ADAMTS9: variants seen among roughly 807,000 people sequenced by gnomAD.
The protein encoded by ADAMTS9 is ADAM metallopeptidase with thrombospondin type 1 motif 9.
ADAMTS9 carries 107 observed loss-of-function variants against 257.1 expected under a neutral mutation model. The observed-to-expected ratio is 0.42, with a 90% confidence interval of 0.36 to 0.49. The LOEUF (loss-of-function observed/expected upper bound fraction) is 0.49. Among genes scored for constraint, ADAMTS9 ranks in the 20% least tolerant of loss-of-function variants. ADAMTS9 has a pLI of 0.03. For missense variants in ADAMTS9, 2,353 were observed against 2,469.1 expected (o/e 0.95, Z 1.00); for synonymous variants, 982 against 880.9 (o/e 1.11, Z -2.03).
Position 64,541,852 on chromosome 3 carries a change from C to G in ADAMTS9, c.5183G>C (p.Arg1728Pro). ...GGCCAACTTACAGTTATAGACATTA[C>G]GGCAGGTTTTTCGTTCTTCTGGCTT... ...DLKPEERKTC[R>P]NVYNCELPQN... Residue 1728 changes from arginine to proline, a missense_variant, in exon 33 of 40, where the codon CGT becomes CCT. Transcript: ENST00000498707. 3 of 1,614,146 alleles carry G rather than the reference C, an allele frequency of 1.9e-6. No individual in the cohort carries two copies. The highest frequency in any genetic ancestry group is 2.5e-6 in the Non-Finnish European group (3 of 1,180,022).
chr3:64,673,059 G>A (rs1701531262), intron 3 of ADAMTS9, among the ~76,000 whole-genome samples: 1 of 152,078 alleles, frequency 6.6e-6, no homozygotes, highest in South Asian at 2.1e-4. Context: ...GGAACAATAG[G>A]CTATGTACCA....
intron 3 of ADAMTS9, among the ~76,000 whole-genome samples, chr3:64,667,023 TTTTG>T (rs1182147260): frequency 1.3e-5 from 2 of 152,054 alleles, no homozygotes; most frequent in Non-Finnish European, 2.9e-5. Context: ...GCTGTTGTTT[TTTTG>T]TTTTATTATT....
chr3:64,661,893 G>C (rs1701231532), intron 3 of ADAMTS9, among the ~76,000 whole-genome samples: 1 of 151,950 alleles, frequency 6.6e-6, no homozygotes, highest in Non-Finnish European at 1.5e-5. Flanking sequence ...AAGATTTAAA[G>C]TCTCTATTAG....
At chr3:64,597,094 T>C in intron 26 of ADAMTS9, 103 bp from the exon 27 acceptor site, 1 of 1,467,858 alleles carries the variant, frequency 6.8e-7, no homozygotes, top group Non-Finnish European at 9.2e-7. Flanking sequence ...AAAAGCATTC[T>C]CAAGTCATCC....
chr3:64,581,353 A>T (rs534347027), intron 28 of ADAMTS9, among the ~76,000 whole-genome samples: 12 of 152,210 alleles, frequency 7.9e-5, no homozygotes, highest in South Asian at 4.1e-4. Context: ...TTTTCTTTTT[A>T]AAAAAATTTT....
intron 22 of ADAMTS9, among the ~76,000 whole-genome samples, chr3:64,610,831 T>C (rs947376776): frequency 2.6e-5 from 4 of 151,954 alleles, no homozygotes; most frequent in African/African-American, 9.7e-5. Context: ...AATCCCAGCA[T>C]TTTGGGAGAC....
intron 9 of ADAMTS9, chr3:64,650,109 T>C (rs759929333): frequency 5.7e-5 from 12 of 208,878 alleles, no homozygotes; most frequent in Non-Finnish European, 7.6e-5. Flanking sequence ...AGATAGTGTC[T>C]TTTTCATCAA....
intron 6 of ADAMTS9, 143 bp downstream of exon 6, chr3:64,655,433 C>T (rs1270994668): frequency 1.0e-5 from 7 of 669,248 alleles, no homozygotes; most frequent in Non-Finnish European, 1.8e-5. Flanking sequence ...TTGCAATGCA[C>T]AGAAGGAATT....
chr3:64,540,547 T>C (rs181828304), intron 36 of ADAMTS9, among the ~76,000 whole-genome samples: 139 of 152,302 alleles, frequency 9.1e-4, no homozygotes, highest in Admixed American at 4.1e-3. Context: ...TGTAAGCATG[T>C]ACACTGTGCT....
intron 26 of ADAMTS9, among the ~76,000 whole-genome samples, chr3:64,601,520 C>G (rs1296426439): frequency 6.6e-6 from 1 of 152,182 alleles, no homozygotes; most frequent in Non-Finnish European, 1.5e-5. Context: ...TACACAGCAA[C>G]CATGCCACTT....
chr3:64,629,401 T>G (rs1700310248), intron 16 of ADAMTS9, among the ~76,000 whole-genome samples: 1 of 152,238 alleles, frequency 6.6e-6, no homozygotes, highest in East Asian at 1.9e-4. Context: ...GACCTAGTCT[T>G]GTTTAACCTT....
At chr3:64,537,389 C>T (rs1402046202) in intron 37 of ADAMTS9, among the ~76,000 whole-genome samples, 1 of 152,156 alleles carries the variant, frequency 6.6e-6, no homozygotes, top group African/African-American at 2.4e-5. Flanking sequence ...TAAAATGCAA[C>T]AGATACCAAT....
intron 12 of ADAMTS9, among the ~76,000 whole-genome samples, chr3:64,635,946 C>T (rs1036030676): frequency 1.2e-4 from 19 of 152,140 alleles, no homozygotes; most frequent in African/African-American, 4.3e-4. Context: ...GGAAGACCCC[C>T]TTCAATTTTT....
chr3:64,526,429 C>A (rs192151556), intron 38 of ADAMTS9, among the ~76,000 whole-genome samples: 235 of 152,228 alleles, frequency 1.5e-3, no homozygotes, highest in African/African-American at 5.3e-3. Flanking sequence ...ATGAATGGAA[C>A]TGAGTTGGGA....
chr3:64,654,770 A>C (rs1445018184), intron 6 of ADAMTS9, 158 bp from the exon 7 acceptor site: 3 of 698,516 alleles, frequency 4.3e-6, no homozygotes, highest in African/African-American at 1.8e-5. Context: ...AACTCAAAAA[A>C]TTTTTGGAAT....
intron 17 of ADAMTS9, 44 bp downstream of exon 17, chr3:64,622,376 C>T: frequency 6.2e-7 from 1 of 1,612,508 alleles, no homozygotes; most frequent in Non-Finnish European, 8.5e-7. Flanking sequence ...CTTAGTAATG[C>T]CAAGCAGAAG....
intron 28 of ADAMTS9, 57 bp from the exon 29 acceptor site, chr3:64,568,592 G>GA: frequency 3.8e-6 from 6 of 1,586,476 alleles, no homozygotes; most frequent in Middle Eastern, 3.3e-4. Context: ...CGGAGTTTGA[G>GA]AAAAAACCTG....
intron 28 of ADAMTS9, among the ~76,000 whole-genome samples, chr3:64,581,483 G>A (rs758539864): frequency 7.9e-5 from 12 of 152,044 alleles, no homozygotes; most frequent in East Asian, 3.9e-4. Flanking sequence ...GGCTGGTCTC[G>A]AACTCCTGGG....
intron 11 of ADAMTS9, among the ~76,000 whole-genome samples, chr3:64,643,676 G>C (rs1271792204): frequency 6.6e-6 from 1 of 151,544 alleles, no homozygotes; most frequent in Non-Finnish European, 1.5e-5. Flanking sequence ...TGTTGCCCAG[G>C]CTAATCTCAA....
Sources: gnomAD v4.1 joint callset for allele counts (sites outside exome capture counted in the v4.1 genomes callset) on GRCh38, gnomAD v4.1.1 for gene constraint, MANE v1.5 for transcripts, NCBI Gene and HGNC (gene_info 2026-07-23, HGNC 2026-07-21) for gene names.